CACNA1C: variants seen among roughly 807,000 people sequenced by gnomAD.
CACNA1C encodes voltage-dependent L-type calcium channel subunit alpha-1C.
Under a neutral mutation model 229.0 loss-of-function variants are expected in CACNA1C, and 30 were observed. The observed-to-expected ratio is 0.13, with a 90% CI of 0.10 to 0.18. The LOEUF is 0.18. Ranked by LOEUF, CACNA1C falls within the 10% of genes least tolerant of loss-of-function variation. The probability of loss-of-function intolerance (pLI) is 1.00; values close to 1 mark genes in which losing one functional copy is unlikely to be tolerated. For synonymous variants in CACNA1C, 1,114 were observed against 1,132.5 expected (o/e 0.98, Z 0.33); for missense variants, 1,658 against 2,845.0 (o/e 0.58, Z 9.49).
chr12:2,207,435 A>G (rs906487326), intron 3 of CACNA1C, among the ~76,000 whole-genome samples: 4 of 152,220 alleles, frequency 2.6e-5, no homozygotes, highest in Non-Finnish European at 4.4e-5. Context: ...TTTAGGAAAT[A>G]CATGATGAAG....
At chr12:2,259,801 T>C (rs2079370679) in intron 3 of CACNA1C, among the ~76,000 whole-genome samples, 1 of 152,142 alleles carries the variant, frequency 6.6e-6, no homozygotes, top group Non-Finnish European at 1.5e-5. Flanking sequence ...CCAGGCATGG[T>C]GGCACGTGCC....
At chr12:2,021,493 A>G (rs2046436449) in intron 1 of CACNA1C, among the ~76,000 whole-genome samples, 1 of 152,142 alleles carries the variant, frequency 6.6e-6, no homozygotes, top group Non-Finnish European at 1.5e-5. Context: ...AGCCTGGCCA[A>G]CATGGTGAAA....
chr12:2,337,374 A>G (rs902756616), intron 3 of CACNA1C, among the ~76,000 whole-genome samples: 1 of 152,124 alleles, frequency 6.6e-6, no homozygotes, highest in Non-Finnish European at 1.5e-5. Context: ...CAAGCACCCC[A>G]AGACTGTAGG....
intron 3 of CACNA1C, among the ~76,000 whole-genome samples, chr12:2,189,024 C>T (rs903224894): frequency 2.6e-4 from 35 of 134,376 alleles, no homozygotes; most frequent in Middle Eastern, 3.8e-3. Flanking sequence ...ACCCAGGAGG[C>T]GGAGCTTGCA....
chr12:2,490,626 A>C (rs564270959), intron 6 of CACNA1C, among the ~76,000 whole-genome samples: 1 of 152,250 alleles, frequency 6.6e-6, no homozygotes, highest in South Asian at 2.1e-4. Context: ...TCAGCTCCCA[A>C]ATTTTTCGGT....
intron 3 of CACNA1C, among the ~76,000 whole-genome samples, chr12:2,247,890 A>G (rs1371930541): frequency 6.6e-6 from 1 of 152,214 alleles, no homozygotes; most frequent in Non-Finnish European, 1.5e-5. Flanking sequence ...CATGGAAAGG[A>G]GAAAAGGTGC....
intron 3 of CACNA1C, among the ~76,000 whole-genome samples, chr12:2,315,590 G>A (rs962609119): frequency 1.3e-5 from 2 of 152,110 alleles, no homozygotes; most frequent in Non-Finnish European, 2.9e-5. Flanking sequence ...TGTACGCCCC[G>A]TGCCTCCCAC....
intron 5 of CACNA1C, among the ~76,000 whole-genome samples, chr12:2,484,138 A>G (rs2099688032): frequency 6.6e-6 from 1 of 152,234 alleles, no homozygotes; most frequent in Non-Finnish European, 1.5e-5. Flanking sequence ...AACATTTCAA[A>G]CTGAGGTGCA....
At chr12:2,004,265 G>A in intron 1 of CACNA1C, 1 of 1,612,442 alleles carries the variant, frequency 6.2e-7, no homozygotes, top group African/African-American at 1.3e-5. Flanking sequence ...GCACTGCTCC[G>A]CCGCGTCCGC....
At chr12:2,176,040 A>G (rs1166846373) in intron 3 of CACNA1C, among the ~76,000 whole-genome samples, 1 of 152,150 alleles carries the variant, frequency 6.6e-6, no homozygotes, top group Non-Finnish European at 1.5e-5. Flanking sequence ...GGTGTGCTAT[A>G]TATTTAGTTC....
intron 3 of CACNA1C, among the ~76,000 whole-genome samples, chr12:2,292,664 G>GT (rs1359245059): frequency 6.6e-6 from 1 of 152,224 alleles, no homozygotes; most frequent in Non-Finnish European, 1.5e-5. Context: ...ATGTGCAGAG[G>GT]TTGGTGGAGA....
chr12:2,067,829 C>A lies in CACNA1C; in HGVS notation c.49+14218C>A, dbSNP rs2059959510. Among the ~76,000 whole-genome samples the A allele has an allele frequency of 6.6e-6, 1 of 152,206 alleles. No homozygotes were observed. The highest frequency in any genetic ancestry group is 2.4e-5 in the African/African-American group (1 of 41,450). ...AGCGCACTCACCTGGAGAATACTTA[C>A]CTTCACACTGTTCCCACCCCTGTCT... On this transcript the variant is annotated intron_variant, in intron 1 of 46. Coordinates refer to ENST00000399655, the MANE Select transcript of CACNA1C (RefSeq NM_000719.7). This position sits in a 1 kb window ranked among gnomAD's most constrained non-coding sequence, Gnocchi z 5.3.
chr12:2,434,853 C>T (rs1307920005), intron 3 of CACNA1C, among the ~76,000 whole-genome samples: 1 of 152,232 alleles, frequency 6.6e-6, no homozygotes, highest in Non-Finnish European at 1.5e-5. Flanking sequence ...TTACCTCCTT[C>T]CTGGACCACG....
intron 18 of CACNA1C, among the ~76,000 whole-genome samples, chr12:2,588,536 G>C (rs1284636027): frequency 6.6e-6 from 1 of 152,204 alleles, no homozygotes; most frequent in Non-Finnish European, 1.5e-5. Context: ...GGACTCCAGA[G>C]TGCACTCTGC....
intron 34 of CACNA1C, among the ~76,000 whole-genome samples, chr12:2,662,540 A>G (rs2095818334): frequency 6.6e-6 from 1 of 152,228 alleles, no homozygotes; most frequent in South Asian, 2.1e-4. Context: ...GAGACTTAAT[A>G]TCATAAAGAT....
In CACNA1C at chr12:2,610,490, C is replaced by T. The variant is rs542953923; in HGVS notation, c.3559-51C>T. ...CACACTTCTCTGCCAGCTCCCCCCA[C>T]ACCCTCCAGTTAACTAACCCCACTC... is the stretch of plus-strand genomic sequence containing the variant. On this transcript the variant is annotated intron_variant, in intron 27 of 46. Coordinates refer to ENST00000399655, the MANE Select transcript of CACNA1C (RefSeq NM_000719.7). The T allele has an allele frequency of 1.7e-5, 27 of 1,565,406 alleles. No individual in the cohort carries two copies. In the South Asian group the frequency reaches 2.9e-4, roughly 17 times the overall value.
At chr12:2,084,472 T>C (rs2066822913) in intron 1 of CACNA1C, among the ~76,000 whole-genome samples, 1 of 152,206 alleles carries the variant, frequency 6.6e-6, no homozygotes, top group African/African-American at 2.4e-5. Flanking sequence ...GACTATTATG[T>C]TTCTTCCAAG....
Position 2,275,683 on chromosome 12 carries a change from T to G in CACNA1C, c.477+155253T>G, listed in dbSNP as rs896004907. 1.3e-5 allele frequency among the ~76,000 whole-genome samples: 2 copies of G among 150,782 alleles called. No individual in the cohort carries two copies. The highest frequency in any genetic ancestry group is 2.9e-5 in the Non-Finnish European group (2 of 68,036). On this transcript the variant is annotated intron_variant, in intron 3 of 46. Coordinates refer to ENST00000399655, the MANE Select transcript of CACNA1C (RefSeq NM_000719.7). This position sits in a 1 kb window ranked among gnomAD's most constrained non-coding sequence, Gnocchi z 4.1. ...AAGACGGCCAGTCTCAGATTGGATT[T>G]GACCTTTTCGCTTGTGGTCGGGCCA...
rs1395178331 is a variant in CACNA1C, at chr12:2,689,234, G to A, written c.6117+455G>A. On this transcript the variant is annotated intron_variant, in intron 46 of 46. Transcript: ENST00000399655. This position sits in a 1 kb window ranked among gnomAD's most constrained non-coding sequence, Gnocchi z 4.2. ...TGAGAGCCACTAGCCTAGAACAAGC[G>A]AGCTTTCAGTCCCACTGTGCTCTGC... 6.6e-6 allele frequency among the ~76,000 whole-genome samples: 1 copy of A among 152,088 alleles called. No individual in the cohort carries two copies. The highest frequency in any genetic ancestry group is 2.4e-5 in the African/African-American group (1 of 41,420).
Sources: allele counts gnomAD v4.1 joint callset (sites outside exome capture counted in the v4.1 genomes callset), GRCh38; gene constraint gnomAD v4.1.1; non-coding constraint Gnocchi (gnomAD v3.1); transcripts MANE v1.5; gene names NCBI Gene and HGNC (gene_info 2026-07-23, HGNC 2026-07-21).